HMCN2: variants seen among roughly 807,000 people sequenced by gnomAD.
The protein encoded by HMCN2 is hemicentin-2.
A neutral mutation model predicts 377.5 loss-of-function variants in HMCN2; 325 were observed. That is an observed-to-expected ratio of 0.86 (90% CI 0.79 to 0.94). The LOEUF is 0.94. HMCN2 is among the 40% of genes least tolerant of loss of function. HMCN2 has a pLI of 0.00. For synonymous variants in HMCN2, 2,007 were observed against 2,046.8 expected, an observed-to-expected ratio of 0.98 and a Z score of 0.53; for missense variants, 4,543 against 4,725.3, an observed-to-expected ratio of 0.96 and a Z score of 1.13.
At chr9:130,384,601 G>C (rs1030379460) in intron 58 of HMCN2, 67 bp downstream of exon 58, 208 of 1,301,412 alleles carry the variant, frequency 1.6e-4, no homozygotes, top group East Asian at 1.2e-3. Flanking sequence ...CCCCCGACCT[G>C]GGACAGGGCC....
chr9:130,399,250 CAA>C lies in HMCN2; in HGVS notation c.11484-242_11484-241del, dbSNP rs35123847. 4.6e-3 allele frequency among the ~76,000 whole-genome samples: 353 copies of C among 77,030 alleles called. 5 individuals are homozygous for C. Among genetic ancestry groups the C allele is most frequent in the Admixed American group, 0.024 (195 of 8,222 alleles). The allele number at this position is 77,030 out of a possible 152,430, so 50.5% of individuals were successfully genotyped here. ...CCTGGGCAACAGAACGAGACTGTCT[CAA>C]AAAAAAAAAAAAAAAAAAGAATGTC... On this transcript the variant is annotated intron_variant, in intron 75 of 97. Coordinates refer to ENST00000683500, the MANE Select transcript of HMCN2 (RefSeq NM_001291815.2).
At chr9:130,325,096 CTT>C (rs878863979) in intron 19 of HMCN2, among the ~76,000 whole-genome samples, 20 of 128,072 alleles carry the variant, frequency 1.6e-4, no homozygotes, top group Admixed American at 3.4e-4. Context: ...TCTTCTTCTT[CTT>C]TTTTTTTTTT....
At position 130,407,589 on chromosome 9, in the gene HMCN2, A is replaced by G. The variant is rs1321872280; in HGVS notation, c.12572A>G (p.Asp4191Gly). 1 of 1,289,548 alleles carries G rather than the reference A, an allele frequency of 7.8e-7. No individual in the cohort carries two copies. The highest frequency in any genetic ancestry group is 1.0e-6 in the Non-Finnish European group (1 of 988,700). The allele number at this position is 1,289,548 out of a possible 1,614,324, so 79.9% of individuals were successfully genotyped here. ...RPVTEGVSEQ[D>G]GGSTLQRAAV... ...ACCACAGAAGGGGTGTCTGAGCAGGATGGAGGCAGCACGCTGCAGCGGGCC... is the reference window on the plus strand; with the variant it reads ...ACCACAGAAGGGGTGTCTGAGCAGGGTGGAGGCAGCACGCTGCAGCGGGCC... Residue 4191 changes from aspartate (D) to glycine (G), a missense_variant, in exon 83 of 98, where the codon GAT (aspartate) becomes GGT (glycine). Coordinates refer to ENST00000683500, the MANE Select transcript of HMCN2 (RefSeq NM_001291815.2).
At chr9:130,313,603 C>CG (rs1332528096) in intron 15 of HMCN2, among the ~76,000 whole-genome samples, 1 of 151,538 alleles carries the variant, frequency 6.6e-6, no homozygotes, top group Non-Finnish European at 1.5e-5. Context: ...TGTGGGCACC[C>CG]CCCCCCATAA....
intron 22 of HMCN2, among the ~76,000 whole-genome samples, chr9:130,329,025 G>A (rs1312867644): frequency 1.3e-5 from 2 of 152,064 alleles, no homozygotes; most frequent in Non-Finnish European, 2.9e-5. Context: ...TGTATCATTC[G>A]CTTATTTAAA....
At chr9:130,328,147 C>T (rs1402971689) in intron 22 of HMCN2, among the ~76,000 whole-genome samples, 1 of 152,324 alleles carries the variant, frequency 6.6e-6, no homozygotes, top group East Asian at 1.9e-4. Flanking sequence ...GTGACCCCCG[C>T]CCCCACCATG....
At chr9:130,429,190 G>A (rs774535877) in intron 93 of HMCN2, 44 of 223,744 alleles carry the variant, frequency 2.0e-4, no homozygotes, top group Non-Finnish European at 3.0e-4. Context: ...CACATACCAG[G>A]CTCCCCTCCT....
At position 130,278,590 on chromosome 9, in the gene HMCN2, C is replaced by CT. The variant is rs1490055969; in HGVS notation, c.260-6004dup. 3.9e-4 allele frequency among the ~76,000 whole-genome samples: 59 copies of CT among 150,566 alleles called. 1 individual carries two copies. Among genetic ancestry groups the CT allele is most frequent in the South Asian group, 2.3e-3 (11 of 4,732 alleles). On this transcript the variant is annotated intron_variant, in intron 1 of 97. Transcript: ENST00000683500. ...CCCTATTTTCTTTTCTTTTCTTTTT[C>CT]TTTTTTTTTGAGACGGAGTTTTGCT...
chr9:130,363,701 T>G (rs1840514403), intron 40 of HMCN2, among the ~76,000 whole-genome samples: 1 of 151,686 alleles, frequency 6.6e-6, no homozygotes, highest in South Asian at 2.1e-4. Flanking sequence ...TGCGTGCCTG[T>G]AGTCCCAGCT....
rs1183538069 is a variant in HMCN2, at chr9:130,308,312, A to G, written c.2200+746A>G. Among the ~76,000 whole-genome samples the G allele has an allele frequency of 6.6e-6, 1 of 152,176 alleles. No homozygotes were observed. The highest frequency in any genetic ancestry group is 1.9e-4 in the East Asian group (1 of 5,192). On this transcript the variant is annotated intron_variant, in intron 14 of 97. Coordinates refer to ENST00000683500, the MANE Select transcript of HMCN2 (RefSeq NM_001291815.2). This position sits in a 1 kb window ranked among gnomAD's most constrained non-coding sequence, Gnocchi z 4.1. ...CACATGTGCTGTGCTTGGCATTCTT[A>G]GTGATAGTGCCGACGATAATGTGAT...
chr9:130,306,948 C>A lies in HMCN2; in HGVS notation c.2086+10C>A. 2.2e-6 allele frequency: 1 copy of A among 463,470 alleles called. No homozygotes were observed. Among genetic ancestry groups the A allele is most frequent in the Non-Finnish European group, 4.5e-6 (1 of 222,068 alleles). The allele number at this position is 463,470 out of a possible 1,614,324, so 28.7% of individuals were successfully genotyped here. ...ACCCTCTACTACACAGGTACCCAGG[C>A]CACAAGCATCACCTTACAGGAGAAG... is the stretch of plus-strand genomic sequence containing the variant. On this transcript the variant is annotated intron_variant, in intron 13 of 97. Coordinates refer to ENST00000683500, the MANE Select transcript of HMCN2 (RefSeq NM_001291815.2).
At chr9:130,323,891 C>T (rs1322070197) in intron 19 of HMCN2, among the ~76,000 whole-genome samples, 5 of 151,876 alleles carry the variant, frequency 3.3e-5, no homozygotes, top group East Asian at 1.9e-4. Flanking sequence ...TTAGTAGAGA[C>T]GAGTTTCACC....
intron 56 of HMCN2, 150 bp downstream of exon 56, chr9:130,383,016 C>A: frequency 2.8e-6 from 1 of 356,260 alleles, no homozygotes; most frequent in Non-Finnish European, 3.9e-6. Context: ...TGTGAGGAGG[C>A]ATGCTGGGCC....
At chr9:130,295,198 C>T (rs1431322974) in intron 5 of HMCN2, among the ~76,000 whole-genome samples, 172 bp downstream of exon 5, 1 of 151,900 alleles carries the variant, frequency 6.6e-6, no homozygotes, top group Non-Finnish European at 1.5e-5. Flanking sequence ...CCATGGTGTG[C>T]GAGGAAGCAG....
intron 84 of HMCN2, among the ~76,000 whole-genome samples, chr9:130,409,841 C>A (rs146100663): frequency 6.6e-6 from 1 of 152,198 alleles, no homozygotes; most frequent in African/African-American, 2.4e-5. Context: ...TTGTGCCATG[C>A]TATCCCCCCC....
chr9:130,344,028 C>T (rs1375369594), intron 25 of HMCN2, among the ~76,000 whole-genome samples: 1 of 151,698 alleles, frequency 6.6e-6, no homozygotes, highest in Admixed American at 6.6e-5. Context: ...CGTGAGGGAC[C>T]CTGGGCAGCA....
intron 18 of HMCN2, among the ~76,000 whole-genome samples, chr9:130,321,158 G>A (rs1384042631): frequency 6.6e-6 from 1 of 152,174 alleles, no homozygotes; most frequent in East Asian, 1.9e-4. Context: ...GCAATCGTGT[G>A]CCTCAGGAGT....
In HMCN2 at chr9:130,382,190, G is replaced by A. The variant is rs781188343; in HGVS notation, c.8438G>A (p.Arg2813Gln). 11 of 985,634 alleles carry A rather than the reference G, an allele frequency of 1.1e-5. No homozygotes were observed. The highest frequency in any genetic ancestry group is 1.2e-5 in the Non-Finnish European group (10 of 829,876). 61.1% of individuals were successfully genotyped at this position (985,634 alleles called of 1,614,324 possible). The change falls in exon 55 of 98, where the codon CGG becomes CAG. Residue 2813 changes from arginine to glutamine, a missense_variant. By Grantham distance (43) the Arg-to-Gln change is conservative. Around this residue, in one of 5 missense-constraint regions of HMCN2, gnomAD observed 736 missense variants for 773.2 expected, o/e 0.95. Coordinates refer to ENST00000683500, the MANE Select transcript of HMCN2 (RefSeq NM_001291815.2). ...GDEVSVLQGG[R>Q]VLQIPLVRAE... ...CTGTCCCGTGTCCCTGCAGGAGGCC[G>A]GGTCCTGCAGATCCCCCTGGTGCGG...
chr9:130,305,804 G>A (rs1185993952), intron 11 of HMCN2, among the ~76,000 whole-genome samples: 1 of 152,184 alleles, frequency 6.6e-6, no homozygotes, highest in East Asian at 1.9e-4. Flanking sequence ...GACAGGAGCC[G>A]TCCCCAGCCC....
Sources: allele counts gnomAD v4.1 joint callset (sites outside exome capture counted in the v4.1 genomes callset), GRCh38; gene constraint gnomAD v4.1.1; regional missense constraint gnomAD v4.1.1; non-coding constraint Gnocchi (gnomAD v3.1); transcripts MANE v1.5; gene names NCBI Gene and HGNC (gene_info 2026-07-23, HGNC 2026-07-21).